Variants in ELMO1 observed in about 807,000 individuals in gnomAD.
ELMO1 encodes the protein engulfment and cell motility protein 1.
ELMO1 carries 26 observed loss-of-function variants against 98.9 expected under a neutral mutation model. That is an observed-to-expected ratio of 0.26 (90% confidence interval 0.19 to 0.36). The LOEUF (loss-of-function observed/expected upper bound fraction) is 0.36. ELMO1 is among the 10% of genes least tolerant of loss of function. The pLI, the probability that ELMO1 is intolerant of heterozygous loss-of-function variation, is 1.00. For synonymous variants in ELMO1, 346 were observed against 346.0 expected (o/e 1.00, Z 0.00); for missense variants, 627 against 935.2 (o/e 0.67, Z 4.30).
intron 1 of ELMO1, among the ~76,000 whole-genome samples, chr7:37,389,826 ATTC>A (rs1802989700): frequency 6.6e-6 from 1 of 152,152 alleles, no homozygotes; most frequent in Non-Finnish European, 1.5e-5. Flanking sequence ...ATCCCCCGAG[ATTC>A]TTACTAATTC....
chr7:37,386,789 C>T (rs1802824682), intron 1 of ELMO1, among the ~76,000 whole-genome samples: 3 of 152,216 alleles, frequency 2.0e-5, no homozygotes. Context: ...CCATCCCCTG[C>T]CGAATTTTGG....
At chr7:37,066,759 T>C (rs1312411601) in intron 15 of ELMO1, among the ~76,000 whole-genome samples, 1 of 152,178 alleles carries the variant, frequency 6.6e-6, no homozygotes, top group Non-Finnish European at 1.5e-5. Context: ...ATATGTACAA[T>C]TATTATTTGC....
In ELMO1 at chr7:37,331,357, G is replaced by GTTTTTTTTTTTTTTT. The variant is rs1371395526; in HGVS notation, c.78+11255_78+11256insAAAAAAAAAAAAAAA. On this transcript the variant is annotated intron_variant, in intron 2 of 21. Transcript: ENST00000310758. Reference sequence around the variant, plus strand: ...GCTTTTTTTTTTTTTTTTTTTTTTGGAATTTTAGTAGAGACAGGGTTTCAC... The same window carrying GTTTTTTTTTTTTTTT: ...GCTTTTTTTTTTTTTTTTTTTTTTGGTTTTTTTTTTTTTTTAATTTTAGTAGAGACAGGGTTTCAC... 3.9e-5 allele frequency among the ~76,000 whole-genome samples: 3 copies of GTTTTTTTTTTTTTTT among 77,202 alleles called. 1 individual carries two copies. Among genetic ancestry groups the GTTTTTTTTTTTTTTT allele is most frequent in the African/African-American group, 1.0e-4 (2 of 19,830 alleles). 50.6% of individuals were successfully genotyped at this position (77,202 alleles called of 152,430 possible).
intron 16 of ELMO1, among the ~76,000 whole-genome samples, chr7:36,924,579 T>C (rs921653985): frequency 7.9e-5 from 12 of 152,248 alleles, no homozygotes; most frequent in Non-Finnish European, 1.6e-4. Flanking sequence ...TTTCTCCTGC[T>C]GAAGCAGCAC....
chr7:37,403,848 T>A (rs576128652), intron 1 of ELMO1, among the ~76,000 whole-genome samples: 2 of 152,264 alleles, frequency 1.3e-5, no homozygotes, highest in East Asian at 3.9e-4. Flanking sequence ...GCCCAGCCCA[T>A]TATGCAATTG....
chr7:37,445,230 C>T (rs956409098), intron 1 of ELMO1, among the ~76,000 whole-genome samples: 3 of 152,236 alleles, frequency 2.0e-5, no homozygotes, highest in Non-Finnish European at 2.9e-5. Flanking sequence ...GGAACCAGAA[C>T]TAAAGTTGCA....
chr7:37,261,184 A>C (rs1002283220), intron 5 of ELMO1, among the ~76,000 whole-genome samples: 1 of 152,226 alleles, frequency 6.6e-6, no homozygotes, highest in African/African-American at 2.4e-5. Flanking sequence ...TCATAAAGTA[A>C]TTCATTTAAT....
chr7:37,250,911 C>G (rs1334481349), intron 6 of ELMO1, among the ~76,000 whole-genome samples: 4 of 152,050 alleles, frequency 2.6e-5, no homozygotes, highest in Non-Finnish European at 4.4e-5. Context: ...CATATTCCAG[C>G]AGCGTAATTT....
chr7:37,006,507 T>C (rs919335902), intron 16 of ELMO1, among the ~76,000 whole-genome samples: 1 of 152,232 alleles, frequency 6.6e-6, no homozygotes, highest in African/African-American at 2.4e-5. Flanking sequence ...ATCCTCCTGC[T>C]AATTCAGCCT....
chr7:37,022,931 G>A (rs1794357262), intron 15 of ELMO1, among the ~76,000 whole-genome samples: 1 of 152,186 alleles, frequency 6.6e-6, no homozygotes. Context: ...TACAATATGA[G>A]TGTATTCAAA....
At chr7:36,996,751 TGAA>T (rs1339120050) in intron 16 of ELMO1, among the ~76,000 whole-genome samples, 2 of 152,206 alleles carry the variant, frequency 1.3e-5, no homozygotes, top group African/African-American at 4.8e-5. Context: ...AGTTGGGCCT[TGAA>T]GGACAGGCAG....
intron 1 of ELMO1, among the ~76,000 whole-genome samples, chr7:37,406,693 C>T (rs560845321): frequency 2.0e-5 from 3 of 152,208 alleles, no homozygotes; most frequent in African/African-American, 2.4e-5. Flanking sequence ...CTGCCCGCCT[C>T]GGCCTCCCAA....
At chr7:37,261,402 T>A (rs1023153503) in intron 5 of ELMO1, among the ~76,000 whole-genome samples, 2 of 152,174 alleles carry the variant, frequency 1.3e-5, no homozygotes, top group African/African-American at 4.8e-5. Flanking sequence ...CTGGATGACT[T>A]CTTAATACAC....
At position 37,276,737 on chromosome 7, in the gene ELMO1, A is replaced by T. The variant is rs577519637; in HGVS notation, c.193-4855T>A. 4.6e-5 allele frequency among the ~76,000 whole-genome samples: 7 copies of T among 152,326 alleles called. No individual in the cohort carries two copies. In the East Asian group the frequency reaches 1.4e-3, roughly 29 times the overall value. ...AATCTATGTTACACCAAGGACAGAAACGTCTACCCAGCAGGATAACAAATA... is the reference window on the plus strand; with the variant it reads ...AATCTATGTTACACCAAGGACAGAATCGTCTACCCAGCAGGATAACAAATA... On this transcript the variant is annotated intron_variant, in intron 4 of 21. Coordinates refer to ENST00000310758, the MANE Select transcript of ELMO1 (RefSeq NM_014800.11).
Position 36,853,170 on chromosome 7 carries a change from G to T in ELMO1, c.*2381C>A, listed in dbSNP as rs1801967939. Reference sequence around the variant, plus strand: ...TCCCCACATGGTCACAAAATGAATGGAAACAGATGGCATACTCTTCAGATC... The same window carrying T: ...TCCCCACATGGTCACAAAATGAATGTAAACAGATGGCATACTCTTCAGATC... On this transcript the variant is annotated 3_prime_UTR_variant, in exon 22 of 22. Transcript: ENST00000310758. 6.6e-6 allele frequency among the ~76,000 whole-genome samples: 1 copy of T among 152,194 alleles called. No homozygotes were observed. Among genetic ancestry groups the T allele is most frequent in the South Asian group, 2.1e-4 (1 of 4,830 alleles).
In ELMO1 at chr7:36,894,351, G is replaced by A. The variant is rs187398990; in HGVS notation, c.1601+503C>T. 3.8e-4 allele frequency among the ~76,000 whole-genome samples: 58 copies of A among 152,264 alleles called. 1 individual carries two copies. Among genetic ancestry groups the A allele is most frequent in the South Asian group, 1.0e-3 (5 of 4,820 alleles). On this transcript the variant is annotated intron_variant, in intron 17 of 21. Coordinates refer to ENST00000310758, the MANE Select transcript of ELMO1 (RefSeq NM_014800.11). ...TCATGAGGGCCATATAGCATGCTCC[G>A]ATGCCAACCAGTGCCAACAGGGCAA...
intron 1 of ELMO1, among the ~76,000 whole-genome samples, chr7:37,419,095 A>G (rs1433327574): frequency 1.3e-5 from 2 of 152,188 alleles, no homozygotes; most frequent in Admixed American, 1.3e-4. Context: ...ACAGCCGCTC[A>G]GGATGCAGGC....
intron 16 of ELMO1, among the ~76,000 whole-genome samples, chr7:36,923,970 G>A (rs900124028): frequency 3.3e-5 from 5 of 152,154 alleles, no homozygotes; most frequent in Admixed American, 6.5e-5. Flanking sequence ...AGGAAAAGAC[G>A]TGATGAGGCA....
At chr7:37,434,286 G>A (rs1452927167) in intron 1 of ELMO1, among the ~76,000 whole-genome samples, 2 of 152,012 alleles carry the variant, frequency 1.3e-5, no homozygotes, top group Admixed American at 1.3e-4. Flanking sequence ...GTGAAGTCTG[G>A]GACCACGTGC....
Sources: allele counts gnomAD v4.1 joint callset (sites outside exome capture counted in the v4.1 genomes callset), GRCh38; gene constraint gnomAD v4.1.1; transcripts MANE v1.5; gene names NCBI Gene and HGNC (gene_info 2026-07-23, HGNC 2026-07-21).